UGT2A2: variants seen among roughly 807,000 people sequenced by gnomAD.
UGT2A2 encodes UDP-glucuronosyltransferase 2A2.
UGT2A2 carries 60 observed loss-of-function variants against 50.7 expected under a neutral mutation model. The observed-to-expected ratio is 1.18, with a 90% CI of 0.96 to 1.47. UGT2A2 has a LOEUF of 1.47. Ranked by LOEUF, UGT2A2 falls within the 40% of genes most tolerant of loss-of-function variation. UGT2A2 has a pLI of 0.00. For synonymous variants in UGT2A2, 242 were observed against 214.6 expected, an observed-to-expected ratio of 1.13 and a Z score of -1.11; for missense variants, 762 against 634.0, an observed-to-expected ratio of 1.20 and a Z score of -2.17.
chr4:69,627,870 A>G (rs1349115811), intron 1 of UGT2A2, among the ~76,000 whole-genome samples: 1 of 151,982 alleles, frequency 6.6e-6, no homozygotes, highest in African/African-American at 2.4e-5. Flanking sequence ...AGGTTAAAAG[A>G]GAATGGAGAT....
intron 1 of UGT2A2, among the ~76,000 whole-genome samples, chr4:69,638,317 G>A (rs1171715695): frequency 2.6e-5 from 4 of 152,120 alleles, no homozygotes; most frequent in Admixed American, 6.5e-5. Flanking sequence ...TAACATTATT[G>A]TGTTTGATTC....
intron 5 of UGT2A2, among the ~76,000 whole-genome samples, chr4:69,590,463 T>C (rs1718523432): frequency 6.6e-6 from 1 of 152,188 alleles, no homozygotes; most frequent in South Asian, 2.1e-4. Context: ...GGTTTGTGTC[T>C]GGAAGAAAAG....
At chr4:69,621,835 G>C (rs576190177) in intron 1 of UGT2A2, among the ~76,000 whole-genome samples, 1 of 151,982 alleles carries the variant, frequency 6.6e-6, no homozygotes, top group African/African-American at 2.4e-5. Context: ...AAAGGAAAGA[G>C]AACATGTTTT....
At position 69,589,442 on chromosome 4, in the gene UGT2A2, A is replaced by C; in HGVS notation, c.1541T>G (p.Leu514Trp). The part of the protein sequence containing the change: ...LLVCVTTAIF[L>W]VIQCCLFSCQ... ...GGAAAACAAACAACATTGTATGACC[A>C]AAAATATAGCCGTTGTCACACAGAC... Residue 514 changes from leucine (L) to tryptophan (W), a missense_variant, in exon 6 of 6, where the codon TTG (leucine) becomes TGG (tryptophan). Coordinates refer to ENST00000604629, the MANE Select transcript of UGT2A2 (RefSeq NM_001105677.2). The C allele has an allele frequency of 6.2e-7, 1 of 1,614,086 alleles. No individual in the cohort carries two copies. The highest frequency in any genetic ancestry group is 8.5e-7 in the Non-Finnish European group (1 of 1,179,996).
At chr4:69,628,501 G>C (rs145820516) in intron 1 of UGT2A2, among the ~76,000 whole-genome samples, 1 of 151,598 alleles carries the variant, frequency 6.6e-6, no homozygotes, top group African/African-American at 2.4e-5. Context: ...GATGAACAAA[G>C]AGTAGTCTCT....
intron 1 of UGT2A2, among the ~76,000 whole-genome samples, chr4:69,605,802 C>A (rs185967861): frequency 0.018 from 2,419 of 137,026 alleles, 619 homozygotes; most frequent in African/African-American, 0.068. Flanking sequence ...CACCTCTACA[C>A]AAATAAACTA....
At chr4:69,606,158 G>C (rs1269006200) in intron 1 of UGT2A2, among the ~76,000 whole-genome samples, 1 of 135,964 alleles carries the variant, frequency 7.4e-6, no homozygotes, top group African/African-American at 3.0e-5. Context: ...GATGAACATC[G>C]AGGCAAAAAT....
intron 1 of UGT2A2, among the ~76,000 whole-genome samples, chr4:69,627,755 T>C (rs999079723): frequency 1.3e-5 from 2 of 151,704 alleles, no homozygotes; most frequent in Non-Finnish European, 2.9e-5. Context: ...CAAACTGGAA[T>C]TAATGATGAA....
At chr4:69,594,070 G>A (rs1718759073) in intron 5 of UGT2A2, among the ~76,000 whole-genome samples, 1 of 147,904 alleles carries the variant, frequency 6.8e-6, no homozygotes, top group Admixed American at 7.0e-5. Flanking sequence ...CACCTCCCGG[G>A]TTCACGCCAT....
chr4:69,610,926 A>G (rs570096504), intron 1 of UGT2A2, among the ~76,000 whole-genome samples: 1 of 152,286 alleles, frequency 6.6e-6, no homozygotes, highest in East Asian at 1.9e-4. Flanking sequence ...TTTCATACCC[A>G]GTATAACCTT....
chr4:69,629,503 A>G (rs1403085995), intron 1 of UGT2A2, among the ~76,000 whole-genome samples: 1 of 152,056 alleles, frequency 6.6e-6, no homozygotes, highest in African/African-American at 2.4e-5. Flanking sequence ...ATTTACCATG[A>G]TCACCAGTTT....
chr4:69,589,626 A>G lies in UGT2A2; in HGVS notation c.1357T>C (p.Ser453Pro), dbSNP rs1718476082. 1 of 1,613,806 alleles carries G rather than the reference A, an allele frequency of 6.2e-7. No individual in the cohort carries two copies. The highest frequency in any genetic ancestry group is 1.7e-5 in the Admixed American group (1 of 59,984). ...PSYKENAMRL[S>P]RIHHDQPVKP... ...ACAGGTTGATCATGGTGAATTCTTG[A>G]TAACCTCATAGCATTCTCTTTATAA... is the stretch of plus-strand genomic sequence containing the variant. Residue 453 changes from serine to proline, a missense_variant, in exon 6 of 6, where the codon TCA becomes CCA. Ser to Pro is a moderately conservative substitution (Grantham distance 74, BLOSUM62 -1). Transcript: ENST00000604629.
intron 1 of UGT2A2, 132 bp from the exon 2 acceptor site, chr4:69,599,526 T>C (rs1719135217): frequency 8.8e-6 from 11 of 1,246,998 alleles, no homozygotes; most frequent in Admixed American, 3.0e-5. Context: ...ATACTTATCA[T>C]GTTTATATAT....
chr4:69,639,282 A>G lies in UGT2A2; in HGVS notation c.359T>C (p.Leu120Pro). The stretch of plus-strand genomic sequence containing the variant: ...AAAGAAAGTGTCTAGAAGTTTTCCT[A>G]GTTCTTTGTAGAAAGCCCATATTGT... ...PLTIWAFYKE[L>P]GKLLDTFFQI... The change falls in exon 1 of 6, where the codon CTA (leucine) becomes CCA (proline). Residue 120 changes from leucine (L) to proline (P), a missense_variant. Transcript: ENST00000604629. The G allele has an allele frequency of 6.2e-7, 1 of 1,613,696 alleles. No individual in the cohort carries two copies. Among genetic ancestry groups the G allele is most frequent in the Middle Eastern group, 1.7e-4 (1 of 6,060 alleles).
chr4:69,596,517 A>C, intron 2 of UGT2A2, 136 bp from the exon 3 acceptor site: 1 of 1,254,840 alleles, frequency 8.0e-7, no homozygotes, highest in Non-Finnish European at 1.0e-6. Context: ...GACATGTAGA[A>C]AGATCTAGTT....
chr4:69,625,984 T>C (rs1179671039), intron 1 of UGT2A2, among the ~76,000 whole-genome samples: 2 of 151,586 alleles, frequency 1.3e-5, no homozygotes, highest in Non-Finnish European at 3.0e-5. Context: ...CACAAGCTAT[T>C]TATAATAGCT....
At chr4:69,602,663 CA>C (rs1295736583) in intron 1 of UGT2A2, among the ~76,000 whole-genome samples, 2 of 137,096 alleles carry the variant, frequency 1.5e-5, no homozygotes, top group Non-Finnish European at 3.1e-5. Flanking sequence ...ACTAAATTTC[CA>C]CTGAAAAACT....
rs1718847694 is a variant in UGT2A2, at chr4:69,595,190, A to G, written c.1083T>C (p.Phe361=). The part of the protein sequence containing the change: ...PATLGNNTQL[F]DWIPQNDLLG... ...GAAGATCATTCTGGGGTATCCAATC[A>G]AAGAGCTGAGTATTGTTTCCTAATG... The change falls in exon 4 of 6, where the codon TTT becomes TTC. Residue 361 remains phenylalanine, a synonymous_variant. Transcript: ENST00000604629. 3 of 1,613,866 alleles carry G rather than the reference A, an allele frequency of 1.9e-6. No individual in the cohort carries two copies. Among genetic ancestry groups the G allele is most frequent in the Non-Finnish European group, 2.5e-6 (3 of 1,179,866 alleles).
chr4:69,612,373 A>G (rs951532395), intron 1 of UGT2A2, among the ~76,000 whole-genome samples: 3 of 152,054 alleles, frequency 2.0e-5, no homozygotes, highest in Admixed American at 6.6e-5. Context: ...AACTACCAAA[A>G]TCATCACATA....
Sources: gnomAD v4.1 joint callset for allele counts (sites outside exome capture counted in the v4.1 genomes callset) on GRCh38, gnomAD v4.1.1 for gene constraint, MANE v1.5 for transcripts, NCBI Gene and HGNC (gene_info 2026-07-23, HGNC 2026-07-21) for gene names.